CMTR2: variants seen among roughly 807,000 people sequenced by gnomAD.
The protein encoded by CMTR2 is cap-specific mRNA (nucleoside-2'-O-)-methyltransferase 2.
In CMTR2, 40 loss-of-function variants were observed where a neutral mutation model predicts 49.8. The ratio of observed to expected loss-of-function variants is 0.80; its 90% confidence interval spans 0.62 to 1.04. The LOEUF is 1.04. Ranked by LOEUF, CMTR2 falls within the 50% of genes least tolerant of loss-of-function variation. The pLI, the probability that CMTR2 is intolerant of heterozygous loss-of-function variation, is 0.00. For missense variants in CMTR2, 907 were observed against 897.2 expected (o/e 1.01, Z -0.14); for synonymous variants, 326 against 315.8 (o/e 1.03, Z -0.34).
At chr16:71,287,675 C>T (rs979933663) in intron 2 of CMTR2, 1 of 152,230 alleles carries the variant, frequency 6.6e-6, no homozygotes, top group African/African-American at 2.4e-5. Flanking sequence ...CTCAAGCAAT[C>T]CCTCCAACTC....
Position 71,285,437 on chromosome 16 carries a change from G to A in CMTR2, c.484C>T (p.Arg162Trp), listed in dbSNP as rs1201464548. The change falls in exon 3 of 3, where the codon CGG becomes TGG. Residue 162 changes from arginine to tryptophan, a missense_variant. Transcript: ENST00000434935. The part of the protein sequence containing the change: ...ASLNHYLKSH[R>W]FPCHWSWVAN... ...ACCCAACTCCAATGACAAGGAAACC[G>A]ATGGGATTTTAAGTAGTGGTTGAGA... 6 of 1,614,092 alleles carry A rather than the reference G, an allele frequency of 3.7e-6. No individual in the cohort carries two copies. The highest frequency in any genetic ancestry group is 2.2e-5 in the East Asian group (1 of 44,884).
Position 71,284,487 on chromosome 16 carries a change from C to A in CMTR2, c.1434G>T (p.Gln478His). The change falls in exon 3 of 3, where the codon CAG (glutamine) becomes CAT (histidine). Residue 478 changes from glutamine (Q) to histidine (H), a missense_variant. Transcript: ENST00000434935. ...AEEHGVYHPG[Q>H]SSILEGTASN... ...AAGCTGTTCCTTCTAAAATAGAACT[C>A]TGCCCAGGATGATATACACCATGTT... 6.2e-7 allele frequency: 1 copy of A among 1,613,976 alleles called. No homozygotes were observed. Among genetic ancestry groups the A allele is most frequent in the South Asian group, 1.1e-5 (1 of 91,048 alleles).
Position 71,285,181 on chromosome 16 carries a change from T to C in CMTR2, c.740A>G (p.Gln247Arg). The C allele has an allele frequency of 6.2e-7, 1 of 1,614,184 alleles. No individual in the cohort carries two copies. Among genetic ancestry groups the C allele is most frequent in the Non-Finnish European group, 8.5e-7 (1 of 1,179,990 alleles). The change falls in exon 3 of 3, where the codon CAA becomes CGA. Residue 247 changes from glutamine (Q) to arginine (R), a missense_variant. By Grantham distance (43) the Gln-to-Arg change is conservative (BLOSUM62 1). Transcript: ENST00000434935. The stretch of plus-strand genomic sequence containing the variant: ...ATGCAAAGAAGAAACTAAAGCTTCT[T>C]GTTCACCTGGGTTTCCTTGGCAATC... ...SFDCQGNPGE[Q>R]EALVSSLHYC... is the part of the protein sequence containing the mutation.
chr16:71,285,912 C>A lies in CMTR2; in HGVS notation c.9G>T (p.Lys3Asn). 6.4e-7 allele frequency: 1 copy of A among 1,555,928 alleles called. No homozygotes were observed. Among genetic ancestry groups the A allele is most frequent in the South Asian group, 1.2e-5 (1 of 82,608 alleles). Residue 3 changes from lysine to asparagine, a missense_variant, in exon 3 of 3, where the codon AAG (lysine) becomes AAT (asparagine). Physicochemically the swap from Lys to Asn is moderately conservative, Grantham distance 94 (BLOSUM62 0). Transcript: ENST00000434935. ...GCTGCTGAACTGGTGTCTTTCTGCA[C>A]TTACTCATTTTCAAATCAAATTAAA... MS[K>N]CRKTPVQQLA...
rs769995707 is a variant in CMTR2 at position 71,285,088 on chromosome 16, G to C, written c.833C>G (p.Thr278Ser). The change falls in exon 3 of 3, where the codon ACT becomes AGT. Residue 278 changes from threonine (T) to serine (S), a missense_variant. By Grantham distance (58) the Thr-to-Ser change is moderately conservative. Transcript: ENST00000434935. ...GTTTATGGAACAATGTTCAAACATA[G>C]TAAACATCTTTAGAACAAAAGAGCC... The part of the protein sequence containing the change: ...NGGSFVLKMF[T>S]MFEHCSINLM... The C allele has an allele frequency of 3.7e-6, 6 of 1,613,938 alleles. No individual in the cohort carries two copies. The highest frequency in any genetic ancestry group is 5.1e-6 in the Non-Finnish European group (6 of 1,179,956).
At chr16:71,288,219 T>A (rs1198445371) in intron 2 of CMTR2, 1 of 152,226 alleles carries the variant, frequency 6.6e-6, no homozygotes, top group Non-Finnish European at 1.5e-5. Context: ...CTGCCTGGAA[T>A]GCTCTTTCCC....
Position 71,284,531 on chromosome 16 carries a change from A to C in CMTR2, c.1390T>G (p.Phe464Val), listed in dbSNP as rs775596139. Residue 464 changes from phenylalanine (F) to valine (V), a missense_variant, in exon 3 of 3, where the codon TTT becomes GTT. By Grantham distance (50) the Phe-to-Val change is conservative. Coordinates refer to ENST00000434935, the MANE Select transcript of CMTR2 (RefSeq NM_018348.6). ...SWKDKVAKGYFNSWAEEHGVY... is the reference protein window; with the variant it reads ...SWKDKVAKGYVNSWAEEHGVY... ...CCATGTTCTTCAGCCCAACTATTAA[A>C]GTATCCTTTGGCTACTTTATCTTTC... The C allele has an allele frequency of 6.2e-7, 1 of 1,613,800 alleles. No individual in the cohort carries two copies. The highest frequency in any genetic ancestry group is 8.5e-7 in the Non-Finnish European group (1 of 1,179,924).
Position 71,284,665 on chromosome 16 carries a change from A to G in CMTR2, c.1256T>C (p.Leu419Pro), listed in dbSNP as rs1219103181. The change falls in exon 3 of 3, where the codon CTA becomes CCA. Residue 419 changes from leucine (L) to proline (P), a missense_variant. By Grantham distance (98) the Leu-to-Pro change is moderately conservative. Coordinates refer to ENST00000434935, the MANE Select transcript of CMTR2 (RefSeq NM_018348.6). ...ACAACCAATACTAGATTTTTTTACT[A>G]GCCAATTATTTCTGGAAAGATGTTT... ...QLKHLSRNNW[L>P]VKKSSIGCST... The G allele has an allele frequency of 6.2e-7, 1 of 1,612,600 alleles. No individual in the cohort carries two copies. The highest frequency in any genetic ancestry group is 8.5e-7 in the Non-Finnish European group (1 of 1,179,474).
Position 71,285,822 on chromosome 16 carries a change from G to T in CMTR2, c.99C>A (p.Asn33Lys). Residue 33 changes from asparagine (N) to lysine (K), a missense_variant, in exon 3 of 3, where the codon AAC (asparagine) becomes AAA (lysine). By Grantham distance (94) the Asn-to-Lys change is moderately conservative. Transcript: ENST00000434935. ...TATTAAGTGGCTTGCCATAAGAAAA[G>T]TTCTTGGCAAAGAGTTCAAAAATGT... ...LADIFELFAK[N>K]FSYGKPLNNE... The T allele has an allele frequency of 6.2e-7, 1 of 1,614,048 alleles. No individual in the cohort carries two copies. The highest frequency in any genetic ancestry group is 8.5e-7 in the Non-Finnish European group (1 of 1,179,972).
chr16:71,288,035 G>A (rs1357101012), intron 2 of CMTR2: 1 of 152,146 alleles, frequency 6.6e-6, no homozygotes, highest in African/African-American at 2.4e-5. Context: ...TTCACATGAG[G>A]ACAACTTAAG....
In CMTR2 at chr16:71,282,405, A is replaced by G. The variant is rs1170182592; in HGVS notation, c.*1203T>C. ...TTATTAACCAAATGCATCAGAAAAT[A>G]CATCTATTTTCACATATCAAAAGTG... On this transcript the variant is annotated 3_prime_UTR_variant, in exon 3 of 3. Coordinates refer to ENST00000434935, the MANE Select transcript of CMTR2 (RefSeq NM_018348.6). 1 of 152,120 alleles carries G rather than the reference A, an allele frequency of 6.6e-6. No homozygotes were observed. The highest frequency in any genetic ancestry group is 1.5e-5 in the Non-Finnish European group (1 of 67,964). The allele number at this position is 152,120 out of a possible 1,614,324, so 9.4% of individuals were successfully genotyped here. A position where few individuals can be genotyped will look rare whatever the true frequency, so the allele number is the denominator to read the frequency against.
In CMTR2 at chr16:71,285,118, T is replaced by C; in HGVS notation, c.803A>G (p.Asn268Ser). The C allele has an allele frequency of 6.2e-7, 1 of 1,614,122 alleles. No individual in the cohort carries two copies. The highest frequency in any genetic ancestry group is 8.5e-7 in the Non-Finnish European group (1 of 1,179,978). Reference protein sequence around the residue: ...EVVTALTTLGNGGSFVLKMFT... With the variant: ...EVVTALTTLGSGGSFVLKMFT... ...CATCTTTAGAACAAAAGAGCCACCG[T>C]TTCCAAGAGTGGTCAGAGCAGTGAC... is the stretch of plus-strand genomic sequence containing the variant. The change falls in exon 3 of 3, where the codon AAC becomes AGC. Residue 268 changes from asparagine to serine, a missense_variant. Coordinates refer to ENST00000434935, the MANE Select transcript of CMTR2 (RefSeq NM_018348.6).
rs375814094 is a variant in CMTR2, at chr16:71,284,580, C to T, written c.1341G>A (p.Arg447=). ...TCCATGAAAGGGCTTCTAGCATCTT[C>T]CTTTCATTATAAGTTTTAAAATATT... ...RNKYFKTYNE[R]KMLEALSWKD... is the part of the protein sequence containing the mutation. The change falls in exon 3 of 3, where the codon AGG becomes AGA. Residue 447 remains arginine (R), a synonymous_variant. Transcript: ENST00000434935. The T allele has an allele frequency of 1.9e-4, 306 of 1,613,662 alleles. No homozygotes were observed. Among genetic ancestry groups the T allele is most frequent in the Non-Finnish European group, 2.3e-4 (277 of 1,179,888 alleles).
chr16:71,285,176 C>T lies in CMTR2; in HGVS notation c.745G>A (p.Ala249Thr). Residue 249 changes from alanine (A) to threonine (T), a missense_variant, in exon 3 of 3, where the codon GCT (alanine) becomes ACT (threonine). Transcript: ENST00000434935. ...CAGTAATGCAAAGAAGAAACTAAAG[C>T]TTCTTGTTCACCTGGGTTTCCTTGG... ...DCQGNPGEQE[A>T]LVSSLHYCEV... 1 of 1,614,158 alleles carries T rather than the reference C, an allele frequency of 6.2e-7. No individual in the cohort carries two copies. The highest frequency in any genetic ancestry group is 8.5e-7 in the Non-Finnish European group (1 of 1,179,962).
At chr16:71,286,445 G>GTTT in intron 2 of CMTR2, 1 of 78,108 alleles carries the variant, frequency 1.3e-5, no homozygotes, top group Non-Finnish European at 4.1e-5. Flanking sequence ...GTGACTTTTC[G>GTTT]TTTTTTTTTT....
chr16:71,289,482 C>G (rs1357860011), upstream of CMTR2: 1 of 152,242 alleles, frequency 6.6e-6, no homozygotes, highest in African/African-American at 2.4e-5. Context: ...ACTCTCGCCT[C>G]GCCTAGGCCT....
In CMTR2 at chr16:71,285,199, T is replaced by G. The variant is rs749607775; in HGVS notation, c.722A>C (p.Gln241Pro). 1 of 1,614,072 alleles carries G rather than the reference T, an allele frequency of 6.2e-7. No individual in the cohort carries two copies. Among genetic ancestry groups the G allele is most frequent in the Non-Finnish European group, 8.5e-7 (1 of 1,179,906 alleles). The change falls in exon 3 of 3, where the codon CAA becomes CCA. Residue 241 changes from glutamine (Q) to proline (P), a missense_variant. Gln to Pro is a moderately conservative substitution (Grantham distance 76). Coordinates refer to ENST00000434935, the MANE Select transcript of CMTR2 (RefSeq NM_018348.6). The part of the protein sequence containing the change: ...LVTADGSFDC[Q>P]GNPGEQEALV... ...AGCTTCTTGTTCACCTGGGTTTCCTTGGCAATCAAAACTCCCATCTGCAGT... is the reference window on the plus strand; with the variant it reads ...AGCTTCTTGTTCACCTGGGTTTCCTGGGCAATCAAAACTCCCATCTGCAGT...
At position 71,283,380 on chromosome 16, in the gene CMTR2, T is replaced by C. The variant is rs2041644031; in HGVS notation, c.*228A>G. On this transcript the variant is annotated 3_prime_UTR_variant, in exon 3 of 3. Coordinates refer to ENST00000434935, the MANE Select transcript of CMTR2 (RefSeq NM_018348.6). ...ATACACACACCTCATATTTAGAGTG[T>C]GAATATCTATCATTGCATAGATTCC... 3 of 550,842 alleles carry C rather than the reference T, an allele frequency of 5.4e-6. No individual in the cohort carries two copies. The highest frequency in any genetic ancestry group is 4.9e-5 in the South Asian group (2 of 40,518). The allele number at this position is 550,842 out of a possible 1,614,324, so 34.1% of individuals were successfully genotyped here.
rs748493382 is a variant in CMTR2, at chr16:71,284,201, G to A, written c.1720C>T (p.Pro574Ser). The A allele has an allele frequency of 1.5e-5, 24 of 1,613,858 alleles. No individual in the cohort carries two copies. Among genetic ancestry groups the A allele is most frequent in the Non-Finnish European group, 1.9e-5 (22 of 1,179,948 alleles). The change falls in exon 3 of 3, where the codon CCC (proline) becomes TCC (serine). Residue 574 changes from proline (P) to serine (S), a missense_variant. Pro to Ser is a moderately conservative substitution (Grantham distance 74, BLOSUM62 -1). Coordinates refer to ENST00000434935, the MANE Select transcript of CMTR2 (RefSeq NM_018348.6). ...ECLQDEQVVV[P>S]SNQIKCLLVG... ...AGCAGGCACTTTATTTGATTGCTGG[G>A]TACTACAACCTGCTCATCCTGAAGG... is the stretch of plus-strand genomic sequence containing the variant.
Sources: allele counts gnomAD v4.1 joint callset, GRCh38; gene constraint gnomAD v4.1.1; transcripts MANE v1.5; gene names NCBI Gene and HGNC (gene_info 2026-07-23, HGNC 2026-07-21).